Variants in PRKD1 observed in about 807,000 individuals in gnomAD.
PRKD1 encodes protein kinase D1.
In PRKD1, 63 loss-of-function variants were observed where a neutral mutation model predicts 95.9. The observed-to-expected ratio is 0.66, with a 90% CI of 0.54 to 0.81. The LOEUF is 0.81. Among genes scored for constraint, PRKD1 ranks in the 30% least tolerant of loss-of-function variants. The probability of loss-of-function intolerance (pLI) is 0.00; values close to 1 mark genes in which losing one functional copy is unlikely to be tolerated. For missense variants in PRKD1, 1,048 were observed against 1,165.3 expected (o/e 0.90, Z 1.47); for synonymous variants, 425 against 423.1 (o/e 1.00, Z -0.05).
chr14:29,695,875 T>C (rs1351663713), intron 2 of PRKD1, among the ~76,000 whole-genome samples: 1 of 152,160 alleles, frequency 6.6e-6, no homozygotes, highest in Non-Finnish European at 1.5e-5. Context: ...TCAATAAATG[T>C]AAAATGGAAA....
intron 1 of PRKD1, among the ~76,000 whole-genome samples, chr14:29,785,709 T>C (rs1889242176): frequency 6.6e-6 from 1 of 151,716 alleles, no homozygotes; most frequent in African/African-American, 2.4e-5. Flanking sequence ...CTTTAGGAGA[T>C]ATACCTAATG....
intron 1 of PRKD1, among the ~76,000 whole-genome samples, chr14:29,883,539 T>A (rs1424381537): frequency 1.3e-5 from 2 of 152,198 alleles, no homozygotes; most frequent in Non-Finnish European, 2.9e-5. Context: ...AATCCAAACA[T>A]CAAGTCTGTT....
At chr14:29,850,788 G>A (rs1365763888) in intron 1 of PRKD1, among the ~76,000 whole-genome samples, 10 of 151,024 alleles carry the variant, frequency 6.6e-5, no homozygotes, top group African/African-American at 2.4e-4. Context: ...TAAGCAAAAA[G>A]AACAAAGCCA....
At chr14:29,702,464 A>T (rs1884889452) in intron 2 of PRKD1, among the ~76,000 whole-genome samples, 1 of 152,060 alleles carries the variant, frequency 6.6e-6, no homozygotes, top group Non-Finnish European at 1.5e-5. Flanking sequence ...GATACAGGTT[A>T]AGAAAGTTTA....
In PRKD1 at chr14:29,725,029, G is replaced by A. The variant is rs373070295; in HGVS notation, c.403+507C>T. The stretch of plus-strand genomic sequence containing the variant: ...TTTCTCAGGGACTGAGTTAACTAGC[G>A]TCACATGGCATGACCTGACCTTCTC... On this transcript the variant is annotated intron_variant, in intron 2 of 17. Coordinates refer to ENST00000331968, the MANE Select transcript of PRKD1 (RefSeq NM_002742.3). Among the ~76,000 whole-genome samples the A allele has an allele frequency of 1.8e-4, 27 of 152,152 alleles. 1 individual carries two copies. Among genetic ancestry groups the A allele is most frequent in the Admixed American group, 7.9e-4 (12 of 15,278 alleles).
intron 14 of PRKD1, 75 bp from the exon 15 acceptor site, chr14:29,599,200 G>GA (rs1555326714): frequency 6.3e-5 from 79 of 1,245,052 alleles, no homozygotes; most frequent in African/African-American, 7.6e-5. Context: ...AAAAGGCCAA[G>GA]AAAAAAAACT....
At chr14:29,618,915 G>T (rs116274733) in intron 13 of PRKD1, among the ~76,000 whole-genome samples, 2 of 152,142 alleles carry the variant, frequency 1.3e-5, no homozygotes, top group South Asian at 2.1e-4. Context: ...TAGCAGAGCT[G>T]ACTGAGGAGG....
At chr14:29,857,030 A>G (rs1475959126) in intron 1 of PRKD1, among the ~76,000 whole-genome samples, 1 of 152,220 alleles carries the variant, frequency 6.6e-6, no homozygotes, top group African/African-American at 2.4e-5. Flanking sequence ...AACTGCATTT[A>G]CTAGCCCTGT....
intron 2 of PRKD1, among the ~76,000 whole-genome samples, chr14:29,707,036 A>C (rs573915779): frequency 6.6e-6 from 1 of 152,360 alleles, no homozygotes; most frequent in South Asian, 2.1e-4. Context: ...GTATTAAAAA[A>C]AATGGGAGCA....
intron 2 of PRKD1, among the ~76,000 whole-genome samples, chr14:29,710,011 T>G (rs1039098246): frequency 2.2e-4 from 33 of 152,146 alleles, no homozygotes; most frequent in Non-Finnish European, 4.4e-5. Context: ...ACAGTGTGTG[T>G]TTATTCTTTT....
At chr14:29,633,289 T>C (rs1020982956) in intron 8 of PRKD1, among the ~76,000 whole-genome samples, 8 of 152,218 alleles carry the variant, frequency 5.3e-5, no homozygotes, top group African/African-American at 1.4e-4. Context: ...GTATAGTCTA[T>C]AATAAAATAA....
At chr14:29,898,810 C>T (rs2139426188) in intron 1 of PRKD1, among the ~76,000 whole-genome samples, 1 of 152,212 alleles carries the variant, frequency 6.6e-6, no homozygotes, top group Non-Finnish European at 1.5e-5. Context: ...TTTTTAAGTA[C>T]ACATTTTAAA....
intron 1 of PRKD1, among the ~76,000 whole-genome samples, chr14:29,916,718 G>T (rs1894902447): frequency 6.6e-6 from 1 of 152,190 alleles, no homozygotes; most frequent in Non-Finnish European, 1.5e-5. Flanking sequence ...GATGATACCA[G>T]CTTTGCACCA....
At chr14:29,778,792 G>A (rs1188474333) in intron 1 of PRKD1, among the ~76,000 whole-genome samples, 1 of 152,122 alleles carries the variant, frequency 6.6e-6, no homozygotes, top group Non-Finnish European at 1.5e-5. Context: ...ATTTTATGAG[G>A]CCAGCATCAT....
intron 4 of PRKD1, among the ~76,000 whole-genome samples, chr14:29,658,466 C>G (rs1341565678): frequency 6.6e-6 from 1 of 152,004 alleles, no homozygotes; most frequent in Non-Finnish European, 1.5e-5. Context: ...AGAAGCATTT[C>G]CTAATCTTAT....
intron 1 of PRKD1, among the ~76,000 whole-genome samples, chr14:29,888,575 CA>C (rs1489545394): frequency 6.6e-6 from 1 of 151,812 alleles, no homozygotes; most frequent in Non-Finnish European, 1.5e-5. Flanking sequence ...TCAATGTTAG[CA>C]GCAAATCCGA....
intron 16 of PRKD1, among the ~76,000 whole-genome samples, chr14:29,590,510 C>T (rs916172790): frequency 4.6e-5 from 7 of 152,114 alleles, no homozygotes; most frequent in South Asian, 2.1e-4. Context: ...AGAGCTTTTA[C>T]GGCTCCCTTC....
intron 1 of PRKD1, among the ~76,000 whole-genome samples, chr14:29,899,165 A>G (rs1299197336): frequency 6.6e-6 from 1 of 152,222 alleles, no homozygotes; most frequent in East Asian, 1.9e-4. Context: ...TCAAATAAAT[A>G]CAGTATTTTA....
At chr14:29,813,953 G>C (rs1440762430) in intron 1 of PRKD1, among the ~76,000 whole-genome samples, 1 of 152,158 alleles carries the variant, frequency 6.6e-6, no homozygotes, top group Non-Finnish European at 1.5e-5. Context: ...TAAACATTGG[G>C]CTGTTCATTA....
Sources: allele counts gnomAD v4.1 joint callset (sites outside exome capture counted in the v4.1 genomes callset), GRCh38; gene constraint gnomAD v4.1.1; transcripts MANE v1.5; gene names NCBI Gene and HGNC (gene_info 2026-07-23, HGNC 2026-07-21).